Variants in MYO1H observed in about 807,000 individuals in gnomAD.
MYO1H encodes the protein unconventional myosin-Ih.
Under a neutral mutation model 149.3 loss-of-function variants are expected in MYO1H, and 118 were observed. The ratio of observed to expected loss-of-function variants is 0.79; its 90% confidence interval spans 0.68 to 0.92. MYO1H has a LOEUF of 0.92. Ranked by LOEUF, MYO1H falls within the 40% of genes least tolerant of loss-of-function variation. The probability of loss-of-function intolerance (pLI) is 0.00; values close to 1 mark genes in which losing one functional copy is unlikely to be tolerated. For synonymous variants in MYO1H, 447 were observed against 465.2 expected (o/e 0.96, Z 0.50); for missense variants, 1,212 against 1,280.7 (o/e 0.95, Z 0.82).
At chr12:109,356,855 C>T (rs1272067269) in intron 1 of MYO1H, among the ~76,000 whole-genome samples, 1 of 152,186 alleles carries the variant, frequency 6.6e-6, no homozygotes, top group Non-Finnish European at 1.5e-5. Context: ...TCCTTCATTT[C>T]AACTGTAGAG....
intron 26 of MYO1H, 57 bp from the exon 27 acceptor site, chr12:109,442,154 AATGACT>A: frequency 7.1e-7 from 1 of 1,416,664 alleles, no homozygotes; most frequent in Non-Finnish European, 1.0e-6. Context: ...AGCAGATACC[AATGACT>A]TTTCCACAGG....
Position 109,426,063 on chromosome 12 carries a change from A to G in MYO1H, c.1831+12A>G. On this transcript the variant is annotated intron_variant, in intron 18 of 31. Coordinates refer to ENST00000310903, the Ensembl canonical transcript of MYO1H. ...CAGGAAAGAACCCAGTGAGTTGTGG[A>G]TCATTATGAACTGGGCTCAGGGAAA... The G allele has an allele frequency of 1.9e-6, 3 of 1,597,538 alleles. No individual in the cohort carries two copies. The highest frequency in any genetic ancestry group is 2.6e-6 in the Non-Finnish European group (3 of 1,165,524).
chr12:109,314,192 C>CT, the MYO1H span, among the ~76,000 whole-genome samples: 10 of 149,312 alleles, frequency 6.7e-5, no homozygotes, highest in Admixed American at 4.7e-4. Flanking sequence ...GCCTTTTTTA[C>CT]TTTTTTTCTT....
chr12:109,378,263 C>T (rs1363877474), intron 1 of MYO1H, among the ~76,000 whole-genome samples: 2 of 151,932 alleles, frequency 1.3e-5, no homozygotes, highest in East Asian at 1.9e-4. Flanking sequence ...GGAGGAGCTA[C>T]CAGAATGTTT....
intron 20 of MYO1H, among the ~76,000 whole-genome samples, chr12:109,433,504 G>A (rs1050566439): frequency 3.3e-5 from 5 of 152,194 alleles, no homozygotes; most frequent in Non-Finnish European, 5.9e-5. Flanking sequence ...GACATGAATC[G>A]GGAAGATCCG....
intron 15 of MYO1H, among the ~76,000 whole-genome samples, 178 bp downstream of exon 15, chr12:109,415,798 T>A (rs1870877915): frequency 6.6e-6 from 1 of 152,178 alleles, no homozygotes; most frequent in Non-Finnish European, 1.5e-5. Flanking sequence ...AAATAACCAC[T>A]TTATTGAGAT....
the MYO1H span, among the ~76,000 whole-genome samples, chr12:109,338,150 C>T: frequency 2.0e-5 from 3 of 152,136 alleles, no homozygotes; most frequent in Admixed American, 2.0e-4. Flanking sequence ...CTCACTGCAG[C>T]CTTGAACTCC....
At chr12:109,341,821 A>G in the MYO1H span, among the ~76,000 whole-genome samples, 1 of 152,066 alleles carries the variant, frequency 6.6e-6, no homozygotes, top group Non-Finnish European at 1.5e-5. Context: ...TTATTACTAG[A>G]GTTAGTGGTC....
rs554701536 is a variant in MYO1H at position 109,431,992 on chromosome 12, A to ATT, written c.1950-879_1950-878dup. ...ACTGCCACACCTGGCTAAAAAAAAA[A>ATT]TTTTTTTTTTTTTTTTTTTTTTTTT... is the stretch of plus-strand genomic sequence containing the variant. On this transcript the variant is annotated intron_variant, in intron 19 of 31. Transcript: ENST00000310903. Among the ~76,000 whole-genome samples, 482 of 85,716 alleles carry ATT rather than the reference A, an allele frequency of 5.6e-3. 3 individuals carry two copies. The highest frequency in any genetic ancestry group is 0.014 in the African/African-American group (254 of 18,734). The allele number at this position is 85,716 out of a possible 152,430, so 56.2% of individuals were successfully genotyped here. A position where few individuals can be genotyped will look rare whatever the true frequency, so the allele number is the denominator to read the frequency against.
intron 2 of MYO1H, among the ~76,000 whole-genome samples, chr12:109,390,832 AT>A (rs1226026265): frequency 6.6e-6 from 1 of 151,604 alleles, no homozygotes; most frequent in Non-Finnish European, 1.5e-5. Flanking sequence ...CGCCTGGCTA[AT>A]TTTTTTGTAT....
the MYO1H span, among the ~76,000 whole-genome samples, chr12:109,338,387 CGTCTGAGGG>C: frequency 6.6e-6 from 1 of 152,144 alleles, no homozygotes; most frequent in South Asian, 2.1e-4. Context: ...CAAAAACAGA[CGTCTGAGGG>C]CTGGCTTCTG....
At position 109,393,553 on chromosome 12, in the gene MYO1H, A is replaced by ATCCT. The variant is rs573149912; in HGVS notation, c.290+110_290+111insTTCC. The stretch of plus-strand genomic sequence containing the variant: ...TGTCCATCCATTCATCCATCCATCC[A>ATCCT]TCCATCCATCCATCCATCCATCCGC... On this transcript the variant is annotated intron_variant, in intron 3 of 31. Coordinates refer to ENST00000310903, the Ensembl canonical transcript of MYO1H. 1,006 of 653,320 alleles carry ATCCT rather than the reference A, an allele frequency of 1.5e-3. 12 individuals carry two copies. The highest frequency in any genetic ancestry group is 0.013 in the African/African-American group (725 of 55,664). 40.5% of individuals were successfully genotyped at this position (653,320 alleles called of 1,614,324 possible).
intron 23 of MYO1H, 45 bp downstream of exon 23, chr12:109,438,665 G>C (rs774083806): frequency 2.1e-6 from 3 of 1,417,124 alleles, no homozygotes; most frequent in Non-Finnish European, 3.0e-6. Context: ...CTAAATGCTG[G>C]TACCCTGCAG....
chr12:109,391,397 C>A lies in MYO1H; in HGVS notation c.175-1934C>A, dbSNP rs768641030. Among the ~76,000 whole-genome samples the A allele has an allele frequency of 3.9e-4, 59 of 152,198 alleles. 1 individual carries two copies. Among genetic ancestry groups the A allele is most frequent in the Non-Finnish European group, 4.4e-5 (3 of 68,044 alleles). Reference sequence around the variant, plus strand: ...GCTTCTAGCTACTTCCATGTCCCAGCAAAGGACATGATCTCGTTCCTTTTT... The same window carrying A: ...GCTTCTAGCTACTTCCATGTCCCAGAAAAGGACATGATCTCGTTCCTTTTT... On this transcript the variant is annotated intron_variant, in intron 2 of 31. Transcript: ENST00000310903.
At chr12:109,318,983 T>TTTTTTTGTTTTTTTTG in the MYO1H span, among the ~76,000 whole-genome samples, 3 of 144,902 alleles carry the variant, frequency 2.1e-5, no homozygotes, top group African/African-American at 7.8e-5. Context: ...TTTTTTTTTT[T>TTTTTTTGTTTTTTTTG]TTTTTTTTTT....
At position 109,398,718 on chromosome 12, in the gene MYO1H, G is replaced by A. The variant is rs377317024; in HGVS notation, c.570+906G>A. On this transcript the variant is annotated intron_variant, in intron 5 of 31. Coordinates refer to ENST00000310903, the Ensembl canonical transcript of MYO1H. Reference sequence around the variant, plus strand: ...TTGGCACCACTGCACTCCAGCCCGGGCAACAAGAGCGAAACTTCCTCTCAA... The same window carrying A: ...TTGGCACCACTGCACTCCAGCCCGGACAACAAGAGCGAAACTTCCTCTCAA... 2.4e-3 allele frequency among the ~76,000 whole-genome samples: 303 copies of A among 124,350 alleles called. 1 individual carries two copies. The highest frequency in any genetic ancestry group is 8.4e-3 in the African/African-American group (292 of 34,572). 81.6% of individuals were successfully genotyped at this position (124,350 alleles called of 152,430 possible).
chr12:109,435,956 G>A (rs1871839507), intron 21 of MYO1H, among the ~76,000 whole-genome samples: 1 of 152,196 alleles, frequency 6.6e-6, no homozygotes, highest in Non-Finnish European at 1.5e-5. Flanking sequence ...TGGGGAATAG[G>A]ATGTGGCTGC....
chr12:109,312,598 T>C, the MYO1H span, among the ~76,000 whole-genome samples: 1 of 152,080 alleles, frequency 6.6e-6, no homozygotes, highest in Non-Finnish European at 1.5e-5. Context: ...AGTCCTTGGC[T>C]TTTGCTTTGC....
At chr12:109,401,420 C>A in intron 6 of MYO1H, 148 bp downstream of exon 6, 1 of 741,904 alleles carries the variant, frequency 1.3e-6, no homozygotes, top group Non-Finnish European at 2.1e-6. Context: ...ATATCACAAG[C>A]AATCTAATCC....
Sources: allele counts gnomAD v4.1 joint callset (sites outside exome capture counted in the v4.1 genomes callset), GRCh38; gene constraint gnomAD v4.1.1; transcripts MANE v1.5; gene names NCBI Gene and HGNC (gene_info 2026-07-23, HGNC 2026-07-21).